The following TRADD variants were observed in gnomAD, a reference collection of about 807,000 sequenced individuals.
TRADD encodes TNFRSF1A associated via death domain, also known as tumor necrosis factor receptor type 1-associated DEATH domain protein.
A neutral mutation model predicts 31.5 loss-of-function variants in TRADD; 14 were observed. The ratio of observed to expected loss-of-function variants is 0.44; its 90% CI spans 0.29 to 0.69. The LOEUF is 0.69. TRADD is among the 30% of genes least tolerant of loss of function. TRADD has a pLI of 0.11. For missense variants in TRADD, 388 were observed against 435.7 expected (o/e 0.89, Z 0.97); for synonymous variants, 220 against 215.8 (o/e 1.02, Z -0.17).
At chr16:67,158,403 C>T (rs1040745589) in intron 1 of TRADD, among the ~76,000 whole-genome samples, 2 of 152,188 alleles carry the variant, frequency 1.3e-5, no homozygotes, top group East Asian at 1.9e-4. Flanking sequence ...TGGGCTCAAG[C>T]GATCTGCCCA....
chr16:67,156,776 T>C lies in TRADD; in HGVS notation c.-8-108A>G. The C allele has an allele frequency of 7.0e-7, 1 of 1,430,800 alleles. No homozygotes were observed. Among genetic ancestry groups the C allele is most frequent in the Non-Finnish European group, 9.8e-7 (1 of 1,025,558 alleles). The allele number at this position is 1,430,800 out of a possible 1,614,324, so 88.6% of individuals were successfully genotyped here. A position where few individuals can be genotyped will look rare whatever the true frequency, so the allele number is the denominator to read the frequency against. The stretch of plus-strand genomic sequence containing the variant: ...CTGTCCCCACCACAGTAGCCTCAAG[T>C]CCCACATGGTTCAGTTGTCCCCACC... On this transcript the variant is annotated intron_variant, in intron 1 of 4. Transcript: ENST00000345057. This position sits in a 1 kb window ranked among gnomAD's most constrained non-coding sequence, Gnocchi z 4.6.
Position 67,159,132 on chromosome 16 carries a change from G to A in TRADD, c.-9+706C>T, listed in dbSNP as rs2030807408. ...TCCGCCGACTGGCAGCTCTTCTTAC[G>A]TGTTCTTTCACGGAAGCCCCTCCTT... On this transcript the variant is annotated intron_variant, in intron 1 of 4. Coordinates refer to ENST00000345057, the MANE Select transcript of TRADD (RefSeq NM_003789.4). This position sits in a 1 kb window ranked among gnomAD's most constrained non-coding sequence, Gnocchi z 6.8. Among the ~76,000 whole-genome samples the A allele has an allele frequency of 1.3e-5, 2 of 152,224 alleles. No homozygotes were observed. The highest frequency in any genetic ancestry group is 2.9e-5 in the Non-Finnish European group (2 of 68,036).
At position 67,156,871 on chromosome 16, in the gene TRADD, A is replaced by G. The variant is rs2030719425; in HGVS notation, c.-8-203T>C. On this transcript the variant is annotated intron_variant, in intron 1 of 4. Transcript: ENST00000345057. The surrounding 1 kb of genome is among the most constrained non-coding windows in gnomAD (Gnocchi z 4.6). Reference sequence around the variant, plus strand: ...GCCCCTTGAGCTCCTGGCTCTGTACAGAGTCCCACCCGCCCCAGGCTTGCA... The same window carrying G: ...GCCCCTTGAGCTCCTGGCTCTGTACGGAGTCCCACCCGCCCCAGGCTTGCA... Among the ~76,000 whole-genome samples the G allele has an allele frequency of 6.6e-6, 1 of 152,206 alleles. No individual in the cohort carries two copies. Among genetic ancestry groups the G allele is most frequent in the Non-Finnish European group, 1.5e-5 (1 of 68,036 alleles).
chr16:67,156,181 G>T lies in TRADD; in HGVS notation c.151+329C>A. The T allele has an allele frequency of 7.1e-7, 1 of 1,401,340 alleles. No individual in the cohort carries two copies. The highest frequency in any genetic ancestry group is 3.6e-5 in the East Asian group (1 of 27,924). 86.8% of individuals were successfully genotyped at this position (1,401,340 alleles called of 1,614,324 possible). On this transcript the variant is annotated intron_variant, in intron 2 of 4. Coordinates refer to ENST00000345057, the MANE Select transcript of TRADD (RefSeq NM_003789.4). This position sits in a 1 kb window ranked among gnomAD's most constrained non-coding sequence, Gnocchi z 4.6. ...GCCTGGAAGGGTAGGTACTGGGGAGGGGTCTTGAGCAAGGAGTGCTGCAGT... is the reference window on the plus strand; with the variant it reads ...GCCTGGAAGGGTAGGTACTGGGGAGTGGTCTTGAGCAAGGAGTGCTGCAGT...
At chr16:67,155,901 C>A in intron 2 of TRADD, 1 of 1,521,476 alleles carries the variant, frequency 6.6e-7, no homozygotes, top group Non-Finnish European at 8.8e-7. Flanking sequence ...CCCGCTCTCA[C>A]GCCCCAAATG....
chr16:67,156,281 T>G lies in TRADD; in HGVS notation c.151+229A>C. On this transcript the variant is annotated intron_variant, in intron 2 of 4. Coordinates refer to ENST00000345057, the MANE Select transcript of TRADD (RefSeq NM_003789.4). The surrounding 1 kb of genome is among the most constrained non-coding windows in gnomAD (Gnocchi z 4.6). ...GCCGGCTGGTGGAGGGGGGCGGGGA[T>G]GGAGCAAAGGACGTTAGTGCACAAA... The G allele has an allele frequency of 1.7e-6, 2 of 1,182,422 alleles. No homozygotes were observed. Among genetic ancestry groups the G allele is most frequent in the South Asian group, 1.4e-5 (1 of 69,232 alleles). 73.2% of individuals were successfully genotyped at this position (1,182,422 alleles called of 1,614,324 possible).
Position 67,159,617 on chromosome 16 carries a change from A to T in TRADD, c.-9+221T>A, listed in dbSNP as rs149931487. On this transcript the variant is annotated intron_variant, in intron 1 of 4. Coordinates refer to ENST00000345057, the MANE Select transcript of TRADD (RefSeq NM_003789.4). The surrounding 1 kb of genome is among the most constrained non-coding windows in gnomAD (Gnocchi z 6.8). ...CCCACCCTCTCTCCTGCAGGGCCCT[A>T]CTGCACCTCGAAAGTGCTGGCAGGG... Among the ~76,000 whole-genome samples, 3 of 152,176 alleles carry T rather than the reference A, an allele frequency of 2.0e-5. No individual in the cohort carries two copies. In the East Asian group the frequency reaches 5.8e-4, roughly 29 times the overall value.
In TRADD at chr16:67,154,578, G is replaced by C. The variant is rs2030582052; in HGVS notation, c.*71C>G. ...GTTTCAGGGTCCCGTGGATGGACAG[G>C]GGTTCAGCAATAGCCGCAGAAGGAA... On this transcript the variant is annotated 3_prime_UTR_variant, in exon 5 of 5. Coordinates refer to ENST00000345057, the MANE Select transcript of TRADD (RefSeq NM_003789.4). The surrounding 1 kb of genome is among the most constrained non-coding windows in gnomAD (Gnocchi z 5.2). The C allele has an allele frequency of 6.5e-7, 1 of 1,541,784 alleles. No individual in the cohort carries two copies. The highest frequency in any genetic ancestry group is 8.8e-7 in the Non-Finnish European group (1 of 1,140,718).
chr16:67,154,864 G>A lies in TRADD; in HGVS notation c.724C>T (p.Arg242Trp), dbSNP rs769423088. 2 of 1,597,800 alleles carry A rather than the reference G, an allele frequency of 1.3e-6. No homozygotes were observed. Among genetic ancestry groups the A allele is most frequent in the Non-Finnish European group, 1.7e-6 (2 of 1,173,202 alleles). ...TCCAGCGCCGGGTCCCGCAGCGCCCGGCAGCCTCGCTGCAGTGAGCGCCCC... is the reference window on the plus strand; with the variant it reads ...TCCAGCGCCGGGTCCCGCAGCGCCCAGCAGCCTCGCTGCAGTGAGCGCCCC... The part of the protein sequence containing the change: ...KVGRSLQRGC[R>W]ALRDPALDSL... Residue 242 changes from arginine (R) to tryptophan (W), a missense_variant, in exon 5 of 5, where the codon CGG becomes TGG. By Grantham distance (101) the Arg-to-Trp change is moderately radical. Coordinates refer to ENST00000345057, the MANE Select transcript of TRADD (RefSeq NM_003789.4). The surrounding 1 kb of genome is among the most constrained non-coding windows in gnomAD (Gnocchi z 5.2).
rs766793409 is a variant in TRADD, at chr16:67,156,493, C to A, written c.151+17G>T. ...CAGGCCACCCCTTCCTCTCCACATG[C>A]CCGCCCATCCACGCACCTGCCAAGG... is the stretch of plus-strand genomic sequence containing the variant. On this transcript the variant is annotated intron_variant, in intron 2 of 4. Transcript: ENST00000345057. This position sits in a 1 kb window ranked among gnomAD's most constrained non-coding sequence, Gnocchi z 4.6. The A allele has an allele frequency of 6.2e-7, 1 of 1,609,698 alleles. No homozygotes were observed.
Position 67,155,465 on chromosome 16 carries a change from A to G in TRADD, c.341T>C (p.Leu114Pro). The change falls in exon 3 of 5, where the codon CTG becomes CCG. Residue 114 changes from leucine to proline, a missense_variant. Coordinates refer to ENST00000345057, the MANE Select transcript of TRADD (RefSeq NM_003789.4). ...AAALAQHSVP[L>P]QLELRAGAER... is the part of the protein sequence containing the mutation. ...GGCGCCGGCGCGCAGCTCCAGTTGC[A>G]GCGGCACCGAGTGCTGGGCGAGCGC... is the stretch of plus-strand genomic sequence containing the variant. 2 of 1,589,758 alleles carry G rather than the reference A, an allele frequency of 1.3e-6. No homozygotes were observed. The highest frequency in any genetic ancestry group is 1.7e-6 in the Non-Finnish European group (2 of 1,176,040).
At position 67,156,956 on chromosome 16, in the gene TRADD, G is replaced by A. The variant is rs2030722136; in HGVS notation, c.-8-288C>T. On this transcript the variant is annotated intron_variant, in intron 1 of 4. Coordinates refer to ENST00000345057, the MANE Select transcript of TRADD (RefSeq NM_003789.4). This position sits in a 1 kb window ranked among gnomAD's most constrained non-coding sequence, Gnocchi z 4.6. ...AGAGCCCAAGGTCACAGTGGAGGGG[G>A]AGCAGAGGCAGATCCTGCAATGGGG... 6.6e-6 allele frequency among the ~76,000 whole-genome samples: 1 copy of A among 152,214 alleles called. No individual in the cohort carries two copies. The highest frequency in any genetic ancestry group is 1.5e-5 in the Non-Finnish European group (1 of 68,042).
In TRADD at chr16:67,156,608, A is replaced by C. The variant is rs1442072426; in HGVS notation, c.53T>G (p.Phe18Cys). The change falls in exon 2 of 5, where the codon TTT becomes TGT. Residue 18 changes from phenylalanine (F) to cysteine (C), a missense_variant. By Grantham distance (205) the Phe-to-Cys change is radical (BLOSUM62 -2). Coordinates refer to ENST00000345057, the MANE Select transcript of TRADD (RefSeq NM_003789.4). This position sits in a 1 kb window ranked among gnomAD's most constrained non-coding sequence, Gnocchi z 4.6. ...HEEWVGSAYL[F>C]VESSLDKVVL... Reference sequence around the variant, plus strand: ...CACCTTGTCCAGCGAGGACTCCACAAACAGGTATGCGCTGCCCACCCACTC... The same window carrying C: ...CACCTTGTCCAGCGAGGACTCCACACACAGGTATGCGCTGCCCACCCACTC... 6.2e-7 allele frequency: 1 copy of C among 1,614,084 alleles called. No individual in the cohort carries two copies. Among genetic ancestry groups the C allele is most frequent in the Admixed American group, 1.7e-5 (1 of 60,022 alleles).
chr16:67,158,943 T>C (rs2030799022), intron 1 of TRADD, among the ~76,000 whole-genome samples: 1 of 152,108 alleles, frequency 6.6e-6, no homozygotes, highest in African/African-American at 2.4e-5. Context: ...ACAGGACCAT[T>C]GTCTGCCCAT....
rs1395398983 is a variant in TRADD, at chr16:67,159,323, C to G, written c.-9+515G>C. Among the ~76,000 whole-genome samples the G allele has an allele frequency of 1.3e-5, 2 of 152,178 alleles. No individual in the cohort carries two copies. Among genetic ancestry groups the G allele is most frequent in the Non-Finnish European group, 2.9e-5 (2 of 68,026 alleles). On this transcript the variant is annotated intron_variant, in intron 1 of 4. Transcript: ENST00000345057. This position sits in a 1 kb window ranked among gnomAD's most constrained non-coding sequence, Gnocchi z 6.8. ...CAGGGACGAGCCACGCACGGTGCCC[C>G]CTGAACACCTAACAGTCCCGGGGGC...
rs1419920781 is a variant in TRADD at position 67,155,058 on chromosome 16, AACCTCCTGGTG to A, written c.628+27_628+37del. On this transcript the variant is annotated intron_variant, in intron 4 of 4. Coordinates refer to ENST00000345057, the MANE Select transcript of TRADD (RefSeq NM_003789.4). ...CGACCCCTGCCCCTCCCCAGACTCC[AACCTCCTGGTG>A]ACCCCGCCTCTCCACCTGCGCCTCA... 4 of 1,238,934 alleles carry A rather than the reference AACCTCCTGGTG, an allele frequency of 3.2e-6. No individual in the cohort carries two copies. The African/African-American group carries it at 7.3e-5, about 23-fold the overall frequency. 76.7% of individuals were successfully genotyped at this position (1,238,934 alleles called of 1,614,324 possible).
chr16:67,156,380 G>A lies in TRADD; in HGVS notation c.151+130C>T, dbSNP rs2030697771. The stretch of plus-strand genomic sequence containing the variant: ...ATGCCACAAGCAAAGAAGAGAGTCT[G>A]CACAGCCAGGGGTCCTCCGTCTTGC... On this transcript the variant is annotated intron_variant, in intron 2 of 4. Transcript: ENST00000345057. The surrounding 1 kb of genome is among the most constrained non-coding windows in gnomAD (Gnocchi z 4.6). The A allele has an allele frequency of 3.6e-6, 5 of 1,406,582 alleles. No individual in the cohort carries two copies. Among genetic ancestry groups the A allele is most frequent in the Non-Finnish European group, 4.9e-6 (5 of 1,023,620 alleles). 87.1% of individuals were successfully genotyped at this position (1,406,582 alleles called of 1,614,324 possible).
intron 4 of TRADD, 38 bp downstream of exon 4, chr16:67,155,057 CA>C: frequency 6.5e-7 from 1 of 1,546,616 alleles, no homozygotes; most frequent in Non-Finnish European, 8.7e-7. Context: ...CCCCAGACTC[CA>C]ACCTCCTGGT....
chr16:67,155,026 C>A (rs2030616204), intron 4 of TRADD, 67 bp from the exon 5 acceptor site: 1 of 1,555,806 alleles, frequency 6.4e-7, no homozygotes, highest in South Asian at 1.2e-5. Context: ...CCATCCCCAC[C>A]CGGCAACGAC....
Sources: allele counts gnomAD v4.1 joint callset (sites outside exome capture counted in the v4.1 genomes callset), GRCh38; gene constraint gnomAD v4.1.1; non-coding constraint Gnocchi (gnomAD v3.1); transcripts MANE v1.5; gene names NCBI Gene and HGNC (gene_info 2026-07-23, HGNC 2026-07-21).